PHF14: variants seen among roughly 807,000 people sequenced by gnomAD.
The protein encoded by PHF14 is PHD finger protein 14.
A neutral mutation model predicts 117.9 loss-of-function variants in PHF14; 55 were observed. The ratio of observed to expected loss-of-function variants is 0.47; its 90% confidence interval spans 0.38 to 0.58. The LOEUF is 0.58. PHF14 is among the 20% of genes least tolerant of loss of function. The pLI, the probability that PHF14 is intolerant of heterozygous loss-of-function variation, is 0.00. For missense variants in PHF14, 978 were observed against 1,122.2 expected (o/e 0.87, Z 1.84); for synonymous variants, 409 against 368.6 (o/e 1.11, Z -1.26).
chr7:11,109,105 C>T (rs185788814), intron 16 of PHF14: 20 of 151,876 alleles, frequency 1.3e-4, no homozygotes, highest in African/African-American at 4.6e-4. Context: ...TAGCAATTAT[C>T]ATTTTCATGT....
intron 4 of PHF14, among the ~76,000 whole-genome samples, chr7:11,000,131 C>G (rs181134526): frequency 1.3e-4 from 19 of 151,952 alleles, no homozygotes; most frequent in Middle Eastern, 3.4e-3. Context: ...TATATATGTT[C>G]CAAGTAAAGA....
Position 10,974,395 on chromosome 7 carries a change from C to T in PHF14, c.1+71C>T, listed in dbSNP as rs550813162. 490 of 1,340,022 alleles carry T rather than the reference C, an allele frequency of 3.7e-4. 4 individuals carry two copies. Among genetic ancestry groups the T allele is most frequent in the South Asian group, 1.1e-3 (86 of 80,496 alleles). The allele number at this position is 1,340,022 out of a possible 1,614,324, so 83.0% of individuals were successfully genotyped here. A position where few individuals can be genotyped will look rare whatever the true frequency, so the allele number is the denominator to read the frequency against. On this transcript the variant is annotated intron_variant, in intron 1 of 17. Coordinates refer to ENST00000634607, the MANE Select transcript of PHF14 (RefSeq NM_001007157.2). ...TTCTAGAAGTCAGGGCCGGTGGGAG[C>T]AGGGCAGGGGTGGGAGAGTCCTGCG...
intron 13 of PHF14, among the ~76,000 whole-genome samples, chr7:11,049,756 T>A (rs1267851892): frequency 1.3e-5 from 2 of 152,182 alleles, no homozygotes; most frequent in African/African-American, 4.8e-5. Flanking sequence ...TGAGATTCTG[T>A]AAGGTGTGTA....
intron 2 of PHF14, among the ~76,000 whole-genome samples, chr7:10,977,091 A>G (rs1213714469): frequency 6.6e-6 from 1 of 151,888 alleles, no homozygotes; most frequent in Non-Finnish European, 1.5e-5. Context: ...ATTGTTTTCC[A>G]TTTGAATCTT....
At chr7:11,116,414 A>C (rs1022537695) in intron 17 of PHF14, among the ~76,000 whole-genome samples, 1 of 152,068 alleles carries the variant, frequency 6.6e-6, no homozygotes, top group Non-Finnish European at 1.5e-5. Flanking sequence ...GACTGGATGT[A>C]GGTATACGTA....
At chr7:11,020,756 G>C (rs1357775259) in intron 5 of PHF14, among the ~76,000 whole-genome samples, 1 of 151,800 alleles carries the variant, frequency 6.6e-6, no homozygotes, top group East Asian at 1.9e-4. Context: ...TGTTATATTT[G>C]AAAATCAGTT....
At chr7:11,049,944 A>G (rs1784798923) in intron 13 of PHF14, among the ~76,000 whole-genome samples, 1 of 152,180 alleles carries the variant, frequency 6.6e-6, no homozygotes, top group Non-Finnish European at 1.5e-5. Context: ...GTAATACATG[A>G]TTATGTACAT....
intron 5 of PHF14, among the ~76,000 whole-genome samples, chr7:11,017,835 T>G (rs1042188997): frequency 6.6e-6 from 1 of 152,124 alleles, no homozygotes; most frequent in South Asian, 2.1e-4. Context: ...CTCAAGAAAT[T>G]TTACCCAGAG....
At chr7:11,065,945 CA>C (rs1265729770) in intron 16 of PHF14, among the ~76,000 whole-genome samples, 1 of 152,074 alleles carries the variant, frequency 6.6e-6, no homozygotes, top group Non-Finnish European at 1.5e-5. Flanking sequence ...TTTTCAGAAG[CA>C]TTGAGGGTAG....
At chr7:11,144,126 TC>T (rs1290368857) in intron 17 of PHF14, among the ~76,000 whole-genome samples, 1 of 152,030 alleles carries the variant, frequency 6.6e-6, no homozygotes, top group African/African-American at 2.4e-5. Context: ...ATGCTCAAAA[TC>T]GCTAATCATC....
At chr7:10,997,307 T>G (rs1171750853) in intron 4 of PHF14, among the ~76,000 whole-genome samples, 1 of 152,028 alleles carries the variant, frequency 6.6e-6, no homozygotes, top group African/African-American at 2.4e-5. Context: ...GAGTTCAAAG[T>G]GAGAATAAAA....
chr7:11,056,202 A>C (rs573606099), intron 14 of PHF14, among the ~76,000 whole-genome samples: 1 of 152,280 alleles, frequency 6.6e-6, no homozygotes, highest in African/African-American at 2.4e-5. Flanking sequence ...CAGAACCCTG[A>C]GACTCCTGTT....
rs567660981 is a variant in PHF14, at chr7:10,978,729, A to G, written c.113-3643A>G. ...ACTAGATGCCAGTAGCATCTTTCCT[A>G]CCTGCCCCAGCCTCACCTCCACCTC... On this transcript the variant is annotated intron_variant, in intron 2 of 17. Transcript: ENST00000634607. 3.7e-3 allele frequency among the ~76,000 whole-genome samples: 558 copies of G among 152,154 alleles called. 1 individual carries two copies. The highest frequency in any genetic ancestry group is 6.4e-3 in the Non-Finnish European group (437 of 68,008).
chr7:11,055,021 A>G (rs1784971300), intron 14 of PHF14, among the ~76,000 whole-genome samples: 1 of 152,120 alleles, frequency 6.6e-6, no homozygotes, highest in Non-Finnish European at 1.5e-5. Flanking sequence ...GCAGACAGCA[A>G]CTGCCCTGTT....
intron 16 of PHF14, among the ~76,000 whole-genome samples, chr7:11,068,802 C>CAGGG (rs1466535924): frequency 6.6e-6 from 1 of 152,022 alleles, no homozygotes; most frequent in Non-Finnish European, 1.5e-5. Context: ...GGGGCTGGGG[C>CAGGG]AGGGGGACAT....
At chr7:11,108,711 G>A (rs1053852991) in intron 16 of PHF14, 3 of 151,660 alleles carry the variant, frequency 2.0e-5, no homozygotes, top group African/African-American at 7.3e-5. Flanking sequence ...AATTGTACGA[G>A]TAGTTGAAAT....
At chr7:11,068,224 AC>A (rs1373699353) in intron 16 of PHF14, among the ~76,000 whole-genome samples, 1 of 151,176 alleles carries the variant, frequency 6.6e-6, no homozygotes, top group African/African-American at 2.5e-5. Context: ...GGTGGTGGGC[AC>A]CAGTAGTCCC....
At chr7:11,048,313 C>G (rs921127108) in intron 13 of PHF14, among the ~76,000 whole-genome samples, 1 of 152,116 alleles carries the variant, frequency 6.6e-6, no homozygotes, top group Admixed American at 6.5e-5. Context: ...TGGCTCACGC[C>G]TGAAATCTCA....
At chr7:10,983,480 G>T (rs1187191217) in intron 3 of PHF14, among the ~76,000 whole-genome samples, 1 of 152,070 alleles carries the variant, frequency 6.6e-6, no homozygotes, top group East Asian at 1.9e-4. Context: ...TTGTTCACAG[G>T]ACTGCTGAAT....
Sources: allele counts gnomAD v4.1 joint callset (sites outside exome capture counted in the v4.1 genomes callset), GRCh38; gene constraint gnomAD v4.1.1; transcripts MANE v1.5; gene names NCBI Gene and HGNC (gene_info 2026-07-23, HGNC 2026-07-21).